The following PDZRN3 variants were observed in gnomAD, a reference collection of about 807,000 sequenced individuals.
The protein encoded by PDZRN3 is PDZ domain containing ring finger 3.
Under a neutral mutation model 85.7 loss-of-function variants are expected in PDZRN3, and 38 were observed. The ratio of observed to expected loss-of-function variants is 0.44; its 90% CI spans 0.34 to 0.58. The LOEUF (loss-of-function observed/expected upper bound fraction) is 0.58. Ranked by LOEUF, PDZRN3 falls within the 20% of genes least tolerant of loss-of-function variation. The pLI, the probability that PDZRN3 is intolerant of heterozygous loss-of-function variation, is 0.01. For missense variants in PDZRN3, 1,629 were observed against 1,506.4 expected (o/e 1.08, Z -1.35); for synonymous variants, 759 against 638.0 (o/e 1.19, Z -2.86).
intron 3 of PDZRN3, among the ~76,000 whole-genome samples, chr3:73,563,915 G>T (rs1701890433): frequency 6.6e-6 from 1 of 152,186 alleles, no homozygotes; most frequent in African/African-American, 2.4e-5. Context: ...CAGAGCCCAG[G>T]CTCATAACCA....
intron 3 of PDZRN3, among the ~76,000 whole-genome samples, chr3:73,463,921 T>C (rs1703157779): frequency 6.6e-6 from 1 of 152,160 alleles, no homozygotes; most frequent in African/African-American, 2.4e-5. Context: ...AACCTGCACA[T>C]CCTGCACGTT....
rs1293484063 is a variant in PDZRN3 at position 73,383,518 on chromosome 3, G to A, written c.3048C>T (p.Asn1016=). ...QQAADDRKEM[N]ILELSHKKMM... ...TCTTTTTGTGGCTCAGTTCGAGAAT[G>A]TTCATCTCCTTCCTGTCATCGGCTG... The change falls in exon 10 of 10, where the codon AAC becomes AAT. Residue 1016 remains asparagine (N), a synonymous_variant. Coordinates refer to ENST00000263666, the MANE Select transcript of PDZRN3 (RefSeq NM_015009.3). 2 of 1,614,128 alleles carry A rather than the reference G, an allele frequency of 1.2e-6. No homozygotes were observed. Among genetic ancestry groups the A allele is most frequent in the South Asian group, 2.2e-5 (2 of 91,078 alleles).
At chr3:73,587,580 AACAT>A (rs996853010) in intron 3 of PDZRN3, among the ~76,000 whole-genome samples, 6 of 152,242 alleles carry the variant, frequency 3.9e-5, no homozygotes, top group Non-Finnish European at 5.9e-5. Context: ...TCTGGTCAGT[AACAT>A]TAATATTTAT....
chr3:73,579,333 G>C (rs1702165647), intron 3 of PDZRN3, among the ~76,000 whole-genome samples: 1 of 152,130 alleles, frequency 6.6e-6, no homozygotes, highest in African/African-American at 2.4e-5. Context: ...AAATTACCCA[G>C]TTTAAGGCAT....
chr3:73,441,735 G>A (rs777539992), intron 3 of PDZRN3, among the ~76,000 whole-genome samples: 61 of 152,268 alleles, frequency 4.0e-4, no homozygotes, highest in Admixed American at 6.5e-4. Flanking sequence ...TGCTGAGGCG[G>A]GCAAACAGGC....
intron 3 of PDZRN3, among the ~76,000 whole-genome samples, chr3:73,541,015 T>C (rs189702887): frequency 6.6e-6 from 1 of 152,224 alleles, no homozygotes; most frequent in Non-Finnish European, 1.5e-5. Context: ...CTCTAATGTA[T>C]GCTAAAACTT....
In PDZRN3 at chr3:73,563,013, A is replaced by AT. The variant is rs879510100; in HGVS notation, c.918+39340dup. The stretch of plus-strand genomic sequence containing the variant: ...TATATATATATATATATATATATAT[A>AT]TTTTTTTTTTTTTTTTTTTTTTTGA... On this transcript the variant is annotated intron_variant, in intron 3 of 9. Transcript: ENST00000263666. Among the ~76,000 whole-genome samples, 32 of 43,762 alleles carry AT rather than the reference A, an allele frequency of 7.3e-4. 2 individuals are homozygous for AT. Among genetic ancestry groups the AT allele is most frequent in the African/African-American group, 1.2e-3 (12 of 9,866 alleles). 28.7% of individuals were successfully genotyped at this position (43,762 alleles called of 152,430 possible).
At chr3:73,596,861 A>T (rs1311087343) in intron 3 of PDZRN3, among the ~76,000 whole-genome samples, 1 of 152,208 alleles carries the variant, frequency 6.6e-6, no homozygotes, top group Non-Finnish European at 1.5e-5. Context: ...TGAAGATTAG[A>T]TAACAGTTTT....
intron 5 of PDZRN3, among the ~76,000 whole-genome samples, chr3:73,396,009 G>A (rs1701627794): frequency 6.6e-6 from 1 of 152,132 alleles, no homozygotes; most frequent in Non-Finnish European, 1.5e-5. Flanking sequence ...GATCACTTGA[G>A]GTCAGGAGTT....
rs533204966 is a variant in PDZRN3 at position 73,577,625 on chromosome 3, C to T, written c.918+24729G>A. On this transcript the variant is annotated intron_variant, in intron 3 of 9. Coordinates refer to ENST00000263666, the MANE Select transcript of PDZRN3 (RefSeq NM_015009.3). ...AGGAGAAATGCGCCCTAGATTTGTGCCCCGCCCCAAAGTTCCTTCCTGTGG... is the reference window on the plus strand; with the variant it reads ...AGGAGAAATGCGCCCTAGATTTGTGTCCCGCCCCAAAGTTCCTTCCTGTGG... Among the ~76,000 whole-genome samples the T allele has an allele frequency of 2.6e-5, 4 of 152,256 alleles. No individual in the cohort carries two copies. In the South Asian group the frequency reaches 6.2e-4, roughly 24 times the overall value.
chr3:73,532,270 G>T (rs553941917), intron 3 of PDZRN3, among the ~76,000 whole-genome samples: 1 of 152,188 alleles, frequency 6.6e-6, no homozygotes, highest in South Asian at 2.1e-4. Context: ...CAAAGTGCTG[G>T]GATTACAGGC....
intron 3 of PDZRN3, among the ~76,000 whole-genome samples, chr3:73,483,710 C>G (rs985719305): frequency 6.6e-6 from 1 of 152,104 alleles, no homozygotes; most frequent in African/African-American, 2.4e-5. Flanking sequence ...ATTGACCATA[C>G]CAGGAAGGGT....
At chr3:73,597,345 C>T (rs1020599327) in intron 3 of PDZRN3, among the ~76,000 whole-genome samples, 3 of 152,124 alleles carry the variant, frequency 2.0e-5, no homozygotes, top group Non-Finnish European at 4.4e-5. Context: ...AGAGAATGAC[C>T]GGTTTACACA....
intron 3 of PDZRN3, among the ~76,000 whole-genome samples, chr3:73,480,630 G>A (rs1703544461): frequency 1.3e-5 from 2 of 152,180 alleles, no homozygotes; most frequent in South Asian, 4.1e-4. Flanking sequence ...GCTTGCCTCT[G>A]TAAAAGCACA....
chr3:73,575,597 A>G (rs554474137), intron 3 of PDZRN3, among the ~76,000 whole-genome samples: 87 of 152,330 alleles, frequency 5.7e-4, no homozygotes, highest in African/African-American at 2.0e-3. Context: ...AAAAATGCTT[A>G]TAGACAAATG....
chr3:73,385,737 G>A lies in PDZRN3; in HGVS notation c.1567C>T (p.Leu523=). 1 of 1,613,982 alleles carries A rather than the reference G, an allele frequency of 6.2e-7. No individual in the cohort carries two copies. The highest frequency in any genetic ancestry group is 2.2e-5 in the East Asian group (1 of 44,876). ...DDDRNDFLDD[L]HMDMLEEQHH... is the part of the protein sequence containing the mutation. ...TGCTCCTCCAGCATGTCCATGTGCA[G>A]GTCATCCAGAAAGTCGTTCCTGTCA... The change falls in exon 9 of 10, where the codon CTG becomes TTG. Residue 523 remains leucine (L), a synonymous_variant. Transcript: ENST00000263666.
chr3:73,416,876 GT>G (rs146381615), intron 3 of PDZRN3, among the ~76,000 whole-genome samples: 45 of 110,388 alleles, frequency 4.1e-4, no homozygotes, highest in African/African-American at 9.4e-4. Context: ...TTTTTTTTTG[GT>G]TTTTTTTTTT....
rs1701312029 is a variant in PDZRN3, at chr3:73,384,534, G to A, written c.2032C>T (p.Pro678Ser). The part of the protein sequence containing the change: ...SGPLDAGKSD[P>S]ESVDKELELL... ...TCCAGCTCCTTGTCCACGCTCTCAG[G>A]GTCACTCTTGCCGGCGTCCAGGGGG... Residue 678 changes from proline (P) to serine (S), a missense_variant, in exon 10 of 10, where the codon CCT becomes TCT. Physicochemically the swap from Pro to Ser is moderately conservative, Grantham distance 74. Coordinates refer to ENST00000263666, the MANE Select transcript of PDZRN3 (RefSeq NM_015009.3). 7 of 1,613,590 alleles carry A rather than the reference G, an allele frequency of 4.3e-6. No homozygotes were observed. The highest frequency in any genetic ancestry group is 5.1e-6 in the Non-Finnish European group (6 of 1,180,042).
At chr3:73,475,629 A>C (rs939343522) in intron 3 of PDZRN3, among the ~76,000 whole-genome samples, 1 of 152,216 alleles carries the variant, frequency 6.6e-6, no homozygotes. Flanking sequence ...CATCCCCAGA[A>C]AATCGGGGGA....
Sources: allele counts gnomAD v4.1 joint callset (sites outside exome capture counted in the v4.1 genomes callset), GRCh38; gene constraint gnomAD v4.1.1; transcripts MANE v1.5; gene names NCBI Gene and HGNC (gene_info 2026-07-23, HGNC 2026-07-21).